The following HIVEP1 variants were observed in gnomAD, a reference collection of about 807,000 sequenced individuals.
HIVEP1 encodes the protein HIVEP zinc finger 1, also known as zinc finger protein 40.
Under a neutral mutation model 180.0 loss-of-function variants are expected in HIVEP1, and 36 were observed. That is an observed-to-expected ratio of 0.20 (90% confidence interval 0.15 to 0.26). HIVEP1 has a LOEUF of 0.26. HIVEP1 is among the 10% of genes least tolerant of loss of function. HIVEP1 has a pLI of 1.00. For synonymous variants in HIVEP1, 1,239 were observed against 1,239.0 expected, an observed-to-expected ratio of 1.00 and a Z score of 0.00; for missense variants, 3,143 against 3,268.7, an observed-to-expected ratio of 0.96 and a Z score of 0.94.
chr6:12,033,710 T>C (rs1769102950), intron 2 of HIVEP1, among the ~76,000 whole-genome samples: 1 of 152,190 alleles, frequency 6.6e-6, no homozygotes, highest in Non-Finnish European at 1.5e-5. Flanking sequence ...TCTTACTATT[T>C]TACTTACTGA....
chr6:12,040,032 A>G (rs1219647638), intron 2 of HIVEP1, among the ~76,000 whole-genome samples: 1 of 152,038 alleles, frequency 6.6e-6, no homozygotes. Flanking sequence ...GGGGAAATGT[A>G]AGCCCAACAA....
Position 12,120,843 on chromosome 6 carries a change from C to G in HIVEP1, c.1048C>G (p.Gln350Glu). ...SSRSQVTPQNQQMDSASPLSI... is the reference protein window; with the variant it reads ...SSRSQVTPQNEQMDSASPLSI... ...TAGATCTCAGGTTACTCCTCAAAAC[C>G]AGCAAATGGATTCTGCTTCACCTTT... Residue 350 changes from glutamine (Q) to glutamate (E), a missense_variant, in exon 4 of 9, where the codon CAG becomes GAG. By Grantham distance (29) the Gln-to-Glu change is conservative. This residue lies in a region of HIVEP1 where 306 missense variants were observed against 310.6 expected (regional missense o/e 0.99). Coordinates refer to ENST00000379388, the MANE Select transcript of HIVEP1 (RefSeq NM_002114.4). 6.2e-7 allele frequency: 1 copy of G among 1,614,164 alleles called. No individual in the cohort carries two copies.
chr6:12,056,369 G>A (rs1192992677), intron 2 of HIVEP1, among the ~76,000 whole-genome samples: 1 of 152,130 alleles, frequency 6.6e-6, no homozygotes, highest in African/African-American at 2.4e-5. Flanking sequence ...AATAATCTGT[G>A]TTTCCTTCAG....
At chr6:12,054,810 C>G (rs1034291351) in intron 2 of HIVEP1, among the ~76,000 whole-genome samples, 14 of 152,156 alleles carry the variant, frequency 9.2e-5, no homozygotes, top group African/African-American at 2.9e-4. Context: ...AAAATCTGAG[C>G]ATTTGAGAAG....
the HIVEP1 span, among the ~76,000 whole-genome samples, chr6:12,203,670 A>C: frequency 6.6e-6 from 1 of 152,258 alleles, no homozygotes; most frequent in Non-Finnish European, 1.5e-5. Flanking sequence ...TGAGAAAATG[A>C]ATTGCCATTA....
chr6:12,106,155 A>G (rs1774421130), intron 3 of HIVEP1, among the ~76,000 whole-genome samples: 1 of 151,840 alleles, frequency 6.6e-6, no homozygotes, highest in African/African-American at 2.4e-5. Flanking sequence ...TTGAGAAAAT[A>G]TTGTCTTAAC....
intron 3 of HIVEP1, among the ~76,000 whole-genome samples, chr6:12,102,822 T>C (rs1774190492): frequency 6.6e-6 from 1 of 152,182 alleles, no homozygotes; most frequent in Admixed American, 6.5e-5. Context: ...AGCTGAAACT[T>C]TTAGTACAGA....
intron 2 of HIVEP1, among the ~76,000 whole-genome samples, chr6:12,044,135 C>T (rs1014789595): frequency 3.3e-5 from 5 of 152,050 alleles, no homozygotes; most frequent in Non-Finnish European, 5.9e-5. Flanking sequence ...ATCTTAAAGC[C>T]GTGAATGGCA....
chr6:12,096,129 G>A (rs1347414424), intron 3 of HIVEP1, among the ~76,000 whole-genome samples: 1 of 151,726 alleles, frequency 6.6e-6, no homozygotes, highest in African/African-American at 2.4e-5. Context: ...CAGCAGTAGT[G>A]GTATCACTCT....
At chr6:12,041,913 C>T (rs893402696) in intron 2 of HIVEP1, among the ~76,000 whole-genome samples, 2 of 151,804 alleles carry the variant, frequency 1.3e-5, no homozygotes, top group African/African-American at 4.9e-5. Flanking sequence ...CCCGCCTTGG[C>T]CTCCCAAAGT....
chr6:12,123,674 A>G lies in HIVEP1; in HGVS notation c.3879A>G (p.Ser1293=). ...RLRLAEIEHS[S]TESSFDSTLS... ...GTCTGGCTGAGATAGAACATTCCTC[A>G]ACAGAATCGAGCTTTGATTCCACTC... Residue 1293 remains serine, a synonymous_variant, in exon 4 of 9, where the codon TCA becomes TCG. Coordinates refer to ENST00000379388, the MANE Select transcript of HIVEP1 (RefSeq NM_002114.4). 1 of 1,614,004 alleles carries G rather than the reference A, an allele frequency of 6.2e-7. No individual in the cohort carries two copies. Among genetic ancestry groups the G allele is most frequent in the Admixed American group, 1.7e-5 (1 of 59,970 alleles).
chr6:12,183,313 C>A, the HIVEP1 span, among the ~76,000 whole-genome samples: 2 of 152,010 alleles, frequency 1.3e-5, no homozygotes, highest in African/African-American at 4.8e-5. Context: ...ACATGAAACA[C>A]CCAGAAGGAG....
At chr6:12,076,403 TG>T (rs151302427) in intron 2 of HIVEP1, among the ~76,000 whole-genome samples, 23,400 of 152,124 alleles carry the variant, frequency 0.15, 2,354 homozygotes, top group Non-Finnish European at 0.23. Flanking sequence ...AGAGAGATGC[TG>T]TTTTAGTCTG....
Position 12,123,975 on chromosome 6 carries a change from A to G in HIVEP1, c.4180A>G (p.Thr1394Ala), listed in dbSNP as rs749567956. The G allele has an allele frequency of 6.2e-7, 1 of 1,614,068 alleles. No individual in the cohort carries two copies. Among genetic ancestry groups the G allele is most frequent in the Non-Finnish European group, 8.5e-7 (1 of 1,179,986 alleles). The change falls in exon 4 of 9, where the codon ACC becomes GCC. Residue 1394 changes from threonine to alanine, a missense_variant. Transcript: ENST00000379388. ...CAAATCATTCGATTGTGGAAGCATCACCCCACCCCAGACAACACCACTTAC... is the reference window on the plus strand; with the variant it reads ...CAAATCATTCGATTGTGGAAGCATCGCCCCACCCCAGACAACACCACTTAC... Reference protein sequence around the residue: ...RSKSFDCGSITPPQTTPLTEL... With the variant: ...RSKSFDCGSIAPPQTTPLTEL...
At chr6:12,207,660 T>G in the HIVEP1 span, among the ~76,000 whole-genome samples, 4 of 151,652 alleles carry the variant, frequency 2.6e-5, no homozygotes, top group African/African-American at 9.7e-5. Context: ...ATCCGAGAAC[T>G]TTGGGAGGCC....
At chr6:12,106,862 G>A (rs756810307) in intron 3 of HIVEP1, among the ~76,000 whole-genome samples, 16 of 152,086 alleles carry the variant, frequency 1.1e-4, no homozygotes, top group African/African-American at 1.9e-4. Flanking sequence ...ATTCTTTATC[G>A]TATTTTCTTA....
intron 2 of HIVEP1, among the ~76,000 whole-genome samples, chr6:12,085,405 G>A (rs1773053786): frequency 6.6e-6 from 1 of 152,118 alleles, no homozygotes; most frequent in Non-Finnish European, 1.5e-5. Flanking sequence ...AGAGAGAACA[G>A]AAGTGGCAAA....
chr6:12,027,693 C>CA (rs1768675008), intron 2 of HIVEP1, among the ~76,000 whole-genome samples: 1 of 152,198 alleles, frequency 6.6e-6, no homozygotes, highest in African/African-American at 2.4e-5. Context: ...ATGAGCCCTA[C>CA]AAGGAAGGTC....
chr6:12,149,823 A>G (rs1438166807), intron 7 of HIVEP1, among the ~76,000 whole-genome samples: 2 of 152,144 alleles, frequency 1.3e-5, no homozygotes, highest in Admixed American at 6.5e-5. Context: ...CTGGTTGATA[A>G]AGAGTGTTCA....
Sources: allele counts gnomAD v4.1 joint callset (sites outside exome capture counted in the v4.1 genomes callset), GRCh38; gene constraint gnomAD v4.1.1; regional missense constraint gnomAD v4.1.1; transcripts MANE v1.5; gene names NCBI Gene and HGNC (gene_info 2026-07-23, HGNC 2026-07-21).